DAG1: variants seen among roughly 807,000 people sequenced by gnomAD.
DAG1 encodes dystroglycan 1, also known as dystroglycan 1 (dystrophin-associated glycoprotein 1).
DAG1 carries 8 observed loss-of-function variants against 46.1 expected under a neutral mutation model. The ratio of observed to expected loss-of-function variants is 0.17; its 90% confidence interval spans 0.10 to 0.31. The LOEUF (loss-of-function observed/expected upper bound fraction) is 0.31, where lower values mean the gene tolerates loss of function less well. DAG1 is among the 10% of genes least tolerant of loss of function. DAG1 has a pLI of 1.00. For missense variants in DAG1, 1,003 were observed against 1,189.9 expected (o/e 0.84, Z 2.31); for synonymous variants, 495 against 481.8 (o/e 1.03, Z -0.36).
At chr3:49,480,314 C>T (rs1342151898) in intron 1 of DAG1, among the ~76,000 whole-genome samples, 5 of 132,300 alleles carry the variant, frequency 3.8e-5, no homozygotes, top group East Asian at 2.2e-4. Flanking sequence ...CTCGCTCTAT[C>T]GCCCAGGCTG....
intron 1 of DAG1, among the ~76,000 whole-genome samples, chr3:49,479,763 G>A (rs112599781): frequency 0.024 from 3,467 of 142,128 alleles, 122 homozygotes; most frequent in African/African-American, 0.086. Context: ...TCAGCATCCT[G>A]AGTAGCTGGC....
At chr3:49,506,875 G>T (rs2050618872) in intron 1 of DAG1, among the ~76,000 whole-genome samples, 1 of 151,936 alleles carries the variant, frequency 6.6e-6, no homozygotes, top group Non-Finnish European at 1.5e-5. Flanking sequence ...TACTCAGGAG[G>T]CTGAGGTGGT....
At chr3:49,530,162 G>C (rs1341811260) in intron 2 of DAG1, among the ~76,000 whole-genome samples, 1 of 152,160 alleles carries the variant, frequency 6.6e-6, no homozygotes, top group African/African-American at 2.4e-5. Context: ...TTGAGAAGCA[G>C]GGTAAATGAA....
chr3:49,487,654 A>T (rs1278566532), intron 1 of DAG1, among the ~76,000 whole-genome samples: 2 of 148,406 alleles, frequency 1.3e-5, no homozygotes, highest in Non-Finnish European at 3.0e-5. Flanking sequence ...ACAGTACTAC[A>T]TATTTGTTAT....
At chr3:49,528,115 T>C (rs2051233254) in intron 2 of DAG1, among the ~76,000 whole-genome samples, 1 of 151,962 alleles carries the variant, frequency 6.6e-6, no homozygotes, top group Admixed American at 6.6e-5. Flanking sequence ...GCCTTACTTA[T>C]TTGCTTCATG....
chr3:49,526,333 T>C (rs1176375096), intron 2 of DAG1, among the ~76,000 whole-genome samples: 1 of 152,204 alleles, frequency 6.6e-6, no homozygotes, highest in Non-Finnish European at 1.5e-5. Flanking sequence ...ATGTGAACCA[T>C]ATAAGCTCTG....
At chr3:49,480,982 C>G (rs577841235) in intron 1 of DAG1, among the ~76,000 whole-genome samples, 2 of 144,014 alleles carry the variant, frequency 1.4e-5, no homozygotes, top group Non-Finnish European at 3.1e-5. Flanking sequence ...AGGACGGTCT[C>G]GATCTCCTGA....
intron 1 of DAG1, among the ~76,000 whole-genome samples, chr3:49,483,150 T>C (rs954857358): frequency 6.6e-6 from 1 of 151,644 alleles, no homozygotes; most frequent in Non-Finnish European, 1.5e-5. Context: ...AACATGCATG[T>C]GATTACTGTA....
intron 1 of DAG1, among the ~76,000 whole-genome samples, chr3:49,489,311 C>T (rs1165617311): frequency 7.2e-5 from 11 of 152,066 alleles, no homozygotes. Context: ...GGGCTGGTCT[C>T]GAACTCCCGA....
At chr3:49,493,261 T>G (rs767858640) in intron 1 of DAG1, among the ~76,000 whole-genome samples, 2 of 151,990 alleles carry the variant, frequency 1.3e-5, no homozygotes, top group African/African-American at 2.4e-5. Flanking sequence ...CCAGGCTGAT[T>G]TCAAACTCCT....
rs201202889 is a variant in DAG1 at position 49,478,802 on chromosome 3, CTTTTTTTTTTTTT to C, written c.-117+8385_-117+8397del. ...TGAAAAGTCTCTTGTCGTCCCCTCC[CTTTTTTTTTTTTT>C]TTTTTTTTTTTTTTTGGATACAGAA... is the stretch of plus-strand genomic sequence containing the variant. On this transcript the variant is annotated intron_variant, in intron 1 of 2. Coordinates refer to ENST00000308775, the MANE Select transcript of DAG1 (RefSeq NM_004393.6). Among the ~76,000 whole-genome samples, 569 of 76,022 alleles carry C rather than the reference CTTTTTTTTTTTTT, an allele frequency of 7.5e-3. 13 individuals carry two copies. The highest frequency in any genetic ancestry group is 0.028 in the African/African-American group (518 of 18,634). 49.9% of individuals were successfully genotyped at this position (76,022 alleles called of 152,430 possible). A position where few individuals can be genotyped will look rare whatever the true frequency, so the allele number is the denominator to read the frequency against.
rs543518611 is a variant in DAG1, at chr3:49,516,536, CTG to C, written c.285+5723_285+5724del. On this transcript the variant is annotated intron_variant, in intron 2 of 2. Transcript: ENST00000308775. ...CCCACCCTGTCCCTCTAACACTTGACTGTGTGTTTATTGATCCATTATTAGTA... is the reference window on the plus strand; with the variant it reads ...CCCACCCTGTCCCTCTAACACTTGACTGTGTTTATTGATCCATTATTAGTA... Among the ~76,000 whole-genome samples the C allele has an allele frequency of 2.2e-4, 33 of 152,326 alleles. 1 individual carries two copies. In the East Asian group the frequency reaches 5.0e-3, roughly 23 times the overall value.
chr3:49,521,291 G>C (rs1039011360), intron 2 of DAG1, among the ~76,000 whole-genome samples: 2 of 151,974 alleles, frequency 1.3e-5, no homozygotes, highest in African/African-American at 4.8e-5. Flanking sequence ...AGCCTCCCAA[G>C]TAGCTGGGAC....
At chr3:49,473,669 G>A (rs2049592381) in intron 1 of DAG1, among the ~76,000 whole-genome samples, 2 of 149,502 alleles carry the variant, frequency 1.3e-5, no homozygotes, top group African/African-American at 4.9e-5. Flanking sequence ...TGCAACCTCC[G>A]CCTCCCAGGT....
rs201202889 is a variant in DAG1, at chr3:49,478,802, C to CTTTTTTTTTTTTTTTTTT, written c.-117+8380_-117+8397dup. The stretch of plus-strand genomic sequence containing the variant: ...TGAAAAGTCTCTTGTCGTCCCCTCC[C>CTTTTTTTTTTTTTTTTTT]TTTTTTTTTTTTTTTTTTTTTTTTT... On this transcript the variant is annotated intron_variant, in intron 1 of 2. Coordinates refer to ENST00000308775, the MANE Select transcript of DAG1 (RefSeq NM_004393.6). 2.6e-4 allele frequency among the ~76,000 whole-genome samples: 20 copies of CTTTTTTTTTTTTTTTTTT among 76,012 alleles called. 1 individual carries two copies. Among genetic ancestry groups the CTTTTTTTTTTTTTTTTTT allele is most frequent in the Non-Finnish European group, 3.4e-4 (14 of 41,354 alleles). The allele number at this position is 76,012 out of a possible 152,430, so 49.9% of individuals were successfully genotyped here.
At chr3:49,517,312 C>T (rs1043311085) in intron 2 of DAG1, among the ~76,000 whole-genome samples, 1 of 152,110 alleles carries the variant, frequency 6.6e-6, no homozygotes, top group Non-Finnish European at 1.5e-5. Context: ...CTTCTTGAGC[C>T]TGTAGTATAT....
intron 1 of DAG1, among the ~76,000 whole-genome samples, chr3:49,472,283 G>A (rs1397439524): frequency 3.3e-5 from 5 of 152,068 alleles, no homozygotes; most frequent in Admixed American, 3.3e-4. Flanking sequence ...TGAAAAGGTA[G>A]TACAGAGGGG....
intron 2 of DAG1, among the ~76,000 whole-genome samples, chr3:49,527,528 A>AG (rs1186291141): frequency 6.7e-6 from 1 of 149,010 alleles, no homozygotes; most frequent in Non-Finnish European, 1.5e-5. Context: ...TCTCAAAAAA[A>AG]AAAAAAACCA....
chr3:49,480,542 C>T (rs867422882), intron 1 of DAG1, among the ~76,000 whole-genome samples: 7,482 of 125,604 alleles, frequency 0.06, 525 homozygotes, highest in Non-Finnish European at 0.11. Flanking sequence ...ATCCGCCCGC[C>T]TTGGCCTCCC....
Sources: allele counts gnomAD v4.1 joint callset (sites outside exome capture counted in the v4.1 genomes callset), GRCh38; gene constraint gnomAD v4.1.1; transcripts MANE v1.5; gene names NCBI Gene and HGNC (gene_info 2026-07-23, HGNC 2026-07-21).